The following IL1RAPL1 variants were observed in gnomAD, a reference collection of about 807,000 sequenced individuals.
IL1RAPL1 encodes the protein interleukin 1 receptor accessory protein like 1, also known as interleukin-1 receptor accessory protein-like 1.
A neutral mutation model predicts 48.4 loss-of-function variants in IL1RAPL1; 3 were observed. That is an observed-to-expected ratio of 0.06 (90% CI 0.03 to 0.16). IL1RAPL1 has a LOEUF of 0.16. Among genes scored for constraint, IL1RAPL1 ranks in the 10% least tolerant of loss-of-function variants. The pLI is 1.00. For missense variants in IL1RAPL1, 349 were observed against 530.6 expected, an observed-to-expected ratio of 0.66 and a Z score of 3.36; for synonymous variants, 185 against 187.7, an observed-to-expected ratio of 0.99 and a Z score of 0.12.
At chrX:29,946,269 C>T (rs914392985) in intron 9 of IL1RAPL1, among the ~76,000 whole-genome samples, 9 of 112,140 alleles carry the variant, frequency 8.0e-5, no homozygotes, top group African/African-American at 2.6e-4. Flanking sequence ...CCTGCTAGAA[C>T]AGTCTAGACT....
intron 2 of IL1RAPL1, among the ~76,000 whole-genome samples, chrX:29,148,620 C>G (rs1350768720): frequency 8.9e-6 from 1 of 111,932 alleles, no homozygotes; most frequent in Admixed American, 9.5e-5. Flanking sequence ...CACTTTTACT[C>G]TCTTAGCAAG....
chrX:29,319,164 A>ATCTATCTATCTATCTGTCTATCTGTCTG (rs1932783543), intron 3 of IL1RAPL1, among the ~76,000 whole-genome samples: 1 of 29,342 alleles, frequency 3.4e-5, no homozygotes, highest in Non-Finnish European at 7.8e-5. Flanking sequence ...CTGTCTGTCT[A>ATCTATCTATCTATCTGTCTATCTGTCTG]TCTATCTATC....
chrX:28,728,474 A>G (rs1935709257), intron 1 of IL1RAPL1, among the ~76,000 whole-genome samples: 1 of 111,665 alleles, frequency 9.0e-6, no homozygotes, highest in Non-Finnish European at 1.9e-5. Context: ...CTCATTTTGG[A>G]AATACAAACT....
At chrX:29,252,181 G>T (rs992570726) in intron 2 of IL1RAPL1, among the ~76,000 whole-genome samples, 1 of 112,526 alleles carries the variant, frequency 8.9e-6, no homozygotes, top group Non-Finnish European at 1.9e-5. Context: ...CGAGTTAGTG[G>T]GTGCAGCACA....
At chrX:29,362,495 T>G (rs939570766) in intron 3 of IL1RAPL1, among the ~76,000 whole-genome samples, 2 of 112,126 alleles carry the variant, frequency 1.8e-5, no homozygotes, top group East Asian at 2.8e-4. Context: ...CTCATTGGCC[T>G]TCTTCTTTGC....
intron 2 of IL1RAPL1, among the ~76,000 whole-genome samples, chrX:29,198,799 G>A (rs776181989): frequency 2.4e-4 from 27 of 111,540 alleles, no homozygotes; most frequent in African/African-American, 7.2e-4. Flanking sequence ...CCACTGAAAC[G>A]AAATCTCTTG....
chrX:29,165,254 G>A (rs1257394202), intron 2 of IL1RAPL1, among the ~76,000 whole-genome samples: 1 of 111,913 alleles, frequency 8.9e-6, no homozygotes, highest in Non-Finnish European at 1.9e-5. Context: ...AGGAGGTAGA[G>A]GTTGCAGTCA....
At chrX:29,655,650 CCAAAAAA>C (rs1427997324) in intron 5 of IL1RAPL1, among the ~76,000 whole-genome samples, 1 of 60,819 alleles carries the variant, frequency 1.6e-5, no homozygotes, top group African/African-American at 7.4e-5. Context: ...GTGACAGTCT[CCAAAAAA>C]AAAAAAAAAA....
rs571003852 is a variant in IL1RAPL1, at chrX:29,407,003, G to T, written c.703+7695G>T. 3.6e-5 allele frequency among the ~76,000 whole-genome samples: 4 copies of T among 111,632 alleles called. 1 individual carries two copies. In the East Asian group the frequency reaches 8.4e-4, roughly 23 times the overall value. On this transcript the variant is annotated intron_variant, in intron 5 of 10. Transcript: ENST00000378993. Reference sequence around the variant, plus strand: ...GTAATATGCTTTTATATTTTTTCTGGAATGTATTATTTCACCTCTCTTTAG... The same window carrying T: ...GTAATATGCTTTTATATTTTTTCTGTAATGTATTATTTCACCTCTCTTTAG...
At chrX:29,352,206 T>C (rs748682612) in intron 3 of IL1RAPL1, among the ~76,000 whole-genome samples, 1 of 111,811 alleles carries the variant, frequency 8.9e-6, no homozygotes, top group South Asian at 3.8e-4. Flanking sequence ...AGCTGCTCTC[T>C]GCTCTTTCAT....
chrX:29,508,581 T>C (rs1569327035), intron 5 of IL1RAPL1, among the ~76,000 whole-genome samples: 1 of 112,002 alleles, frequency 8.9e-6, no homozygotes, highest in Non-Finnish European at 1.9e-5. Context: ...ACATTGTCTA[T>C]ATAAATTTTT....
At chrX:29,886,298 C>G (rs1461309498) in intron 6 of IL1RAPL1, among the ~76,000 whole-genome samples, 2 of 112,500 alleles carry the variant, frequency 1.8e-5, no homozygotes, top group African/African-American at 3.2e-5. Context: ...TTTAGCTATG[C>G]ATGCTTACTA....
At chrX:29,605,071 A>AACACACACACACAC (rs757087732) in intron 5 of IL1RAPL1, among the ~76,000 whole-genome samples, 1 of 65,048 alleles carries the variant, frequency 1.5e-5, no homozygotes, top group African/African-American at 5.6e-5. Context: ...CTAAGTCTTA[A>AACACACACACACAC]ACACACACAC....
chrX:29,685,340 TAAA>T (rs1293250773), intron 6 of IL1RAPL1, among the ~76,000 whole-genome samples: 1 of 110,041 alleles, frequency 9.1e-6, no homozygotes, highest in Non-Finnish European at 1.9e-5. Context: ...CCATCTTGAC[TAAA>T]AATACAAAAA....
intron 2 of IL1RAPL1, among the ~76,000 whole-genome samples, chrX:29,011,274 T>C (rs1441239987): frequency 4.5e-5 from 5 of 112,037 alleles, no homozygotes; most frequent in African/African-American, 1.6e-4. Flanking sequence ...TCAAGACCTA[T>C]GTATTGACCC....
chrX:29,348,291 G>T (rs773164218), intron 3 of IL1RAPL1, among the ~76,000 whole-genome samples: 23 of 112,009 alleles, frequency 2.1e-4, no homozygotes, highest in Non-Finnish European at 4.1e-4. Context: ...GACACCCCAG[G>T]TAAGGGGTTA....
In IL1RAPL1 at chrX:29,081,037, T is replaced by C. The variant is rs1460032716; in HGVS notation, c.83-201901T>C. 2.4e-3 allele frequency among the ~76,000 whole-genome samples: 213 copies of C among 89,175 alleles called. 3 individuals are homozygous for C. The highest frequency in any genetic ancestry group is 3.5e-3 in the Non-Finnish European group (159 of 44,887). The allele number at this position is 89,175 out of a possible 115,157, so 77.4% of individuals were successfully genotyped here. On this transcript the variant is annotated intron_variant, in intron 2 of 10. Transcript: ENST00000378993. ...CTCTCTCTCTTTCTTTTCTTTTCTT[T>C]TCTTTTCTTTTCTTTTCTTTTCTTT...
chrX:29,434,219 G>T (rs1436405362), intron 5 of IL1RAPL1, among the ~76,000 whole-genome samples: 1 of 109,606 alleles, frequency 9.1e-6, no homozygotes, highest in Non-Finnish European at 1.9e-5. Flanking sequence ...AACCTTCTCA[G>T]TTCCCTTCTC....
intron 8 of IL1RAPL1, among the ~76,000 whole-genome samples, chrX:29,922,969 G>GC (rs201298330): frequency 0.041 from 4,622 of 111,754 alleles, 245 homozygotes; most frequent in African/African-American, 0.14. Context: ...AGCTGTCATT[G>GC]CTTCTGACAG....
Sources: allele counts gnomAD v4.1 joint callset (sites outside exome capture counted in the v4.1 genomes callset), GRCh38; gene constraint gnomAD v4.1.1; transcripts MANE v1.5; gene names NCBI Gene and HGNC (gene_info 2026-07-23, HGNC 2026-07-21).